The following KPNA1 variants were observed in gnomAD, a reference collection of about 807,000 sequenced individuals.
KPNA1 encodes karyopherin subunit alpha 1.
Under a neutral mutation model 70.5 loss-of-function variants are expected in KPNA1, and 10 were observed. The observed-to-expected ratio is 0.14, with a 90% CI of 0.09 to 0.24. The LOEUF is 0.24. KPNA1 is among the 10% of genes least tolerant of loss of function. The probability of loss-of-function intolerance (pLI) is 1.00; values close to 1 mark genes in which losing one functional copy is unlikely to be tolerated. For synonymous variants in KPNA1, 192 were observed against 221.9 expected, an observed-to-expected ratio of 0.87 and a Z score of 1.20; for missense variants, 397 against 637.9, an observed-to-expected ratio of 0.62 and a Z score of 4.07.
intron 12 of KPNA1, among the ~76,000 whole-genome samples, chr3:122,429,485 C>A (rs1318228639): frequency 2.9e-5 from 4 of 140,064 alleles, no homozygotes; most frequent in South Asian, 2.4e-4. Context: ...TCATTTACAT[C>A]AGCATCAAAA....
At chr3:122,472,429 A>T (rs779615863) in intron 2 of KPNA1, among the ~76,000 whole-genome samples, 53 of 152,206 alleles carry the variant, frequency 3.5e-4, no homozygotes, top group Non-Finnish European at 4.4e-4. Flanking sequence ...CTATGGGATG[A>T]CGTGAAAGCA....
At chr3:122,455,364 T>G (rs2076252996) in intron 5 of KPNA1, among the ~76,000 whole-genome samples, 2 of 152,190 alleles carry the variant, frequency 1.3e-5, no homozygotes, top group Admixed American at 6.5e-5. Flanking sequence ...AGTACTTCGG[T>G]TAAAGAGCCC....
chr3:122,437,947 C>T (rs2076010993), intron 10 of KPNA1, among the ~76,000 whole-genome samples: 1 of 152,176 alleles, frequency 6.6e-6, no homozygotes, highest in African/African-American at 2.4e-5. Context: ...TAAGTTAATC[C>T]TTTCTTCCAA....
intron 2 of KPNA1, among the ~76,000 whole-genome samples, chr3:122,470,616 A>T (rs1164003328): frequency 1.3e-5 from 2 of 152,082 alleles, no homozygotes; most frequent in African/African-American, 4.8e-5. Context: ...GAGAAACAGG[A>T]TTATCTTATA....
chr3:122,490,866 TAAACTA>T (rs1198113758), intron 2 of KPNA1, among the ~76,000 whole-genome samples: 3 of 152,168 alleles, frequency 2.0e-5, no homozygotes, highest in African/African-American at 4.8e-5. Flanking sequence ...CTTATTTTCT[TAAACTA>T]AAAGTATCAG....
rs563458856 is a variant in KPNA1 at position 122,427,235 on chromosome 3, A to T, written c.1430-63T>A. ...TTCAATAAATATTGGAAATTCCATA[A>T]CTATATATTCCTAAACTATATTTTG... On this transcript the variant is annotated intron_variant, in intron 13 of 13. Coordinates refer to ENST00000344337, the MANE Select transcript of KPNA1 (RefSeq NM_002264.4). 6.6e-6 allele frequency: 8 copies of T among 1,203,738 alleles called. No individual in the cohort carries two copies. In the Admixed American group the frequency reaches 1.6e-4, roughly 24 times the overall value. The allele number at this position is 1,203,738 out of a possible 1,614,324, so 74.6% of individuals were successfully genotyped here.
At chr3:122,429,976 CTGAGT>C (rs1006588447) in intron 12 of KPNA1, among the ~76,000 whole-genome samples, 6 of 151,982 alleles carry the variant, frequency 3.9e-5, no homozygotes, top group Admixed American at 3.3e-4. Flanking sequence ...GTATGTCTGA[CTGAGT>C]TATTTCAAAA....
In KPNA1 at chr3:122,513,859, G is replaced by A. The variant is rs533524107; in HGVS notation, c.-6+898C>T. Among the ~76,000 whole-genome samples, 6 of 152,308 alleles carry A rather than the reference G, an allele frequency of 3.9e-5. No homozygotes were observed. In the South Asian group the frequency reaches 1.2e-3, roughly 32 times the overall value. On this transcript the variant is annotated intron_variant, in intron 1 of 13. Coordinates refer to ENST00000344337, the MANE Select transcript of KPNA1 (RefSeq NM_002264.4). ...GCAAGAGGACAGTTTGAGCTCAGGAGTTGGAGTACAGCCTGGGCAATATAG... is the reference window on the plus strand; with the variant it reads ...GCAAGAGGACAGTTTGAGCTCAGGAATTGGAGTACAGCCTGGGCAATATAG...
chr3:122,445,530 T>G (rs1576292137), intron 9 of KPNA1, among the ~76,000 whole-genome samples: 1 of 152,018 alleles, frequency 6.6e-6, no homozygotes, highest in African/African-American at 2.4e-5. Flanking sequence ...GCACTAAACA[T>G]GGAAAGGAAC....
At chr3:122,507,755 G>C (rs190203875) in intron 1 of KPNA1, among the ~76,000 whole-genome samples, 1 of 149,938 alleles carries the variant, frequency 6.7e-6, no homozygotes, top group African/African-American at 2.4e-5. Flanking sequence ...TTTTTGGGGG[G>C]TTAAAAAAAA....
At chr3:122,462,058 T>C (rs1462985661) in intron 4 of KPNA1, among the ~76,000 whole-genome samples, 1 of 152,134 alleles carries the variant, frequency 6.6e-6, no homozygotes, top group African/African-American at 2.4e-5. Flanking sequence ...CAATGTTCAT[T>C]TGGAAAGGAC....
At chr3:122,461,950 C>A (rs943045745) in intron 4 of KPNA1, among the ~76,000 whole-genome samples, 2 of 152,104 alleles carry the variant, frequency 1.3e-5, no homozygotes, top group Non-Finnish European at 2.9e-5. Flanking sequence ...TGACAATATG[C>A]GTGTGGCAAT....
At chr3:122,437,333 G>A (rs756164784) in intron 10 of KPNA1, 38 bp from the exon 11 acceptor site, 1 of 1,458,714 alleles carries the variant, frequency 6.9e-7, no homozygotes. Context: ...TTATTGTATT[G>A]TTCTAAATAT....
chr3:122,459,813 T>C, intron 5 of KPNA1: 1 of 985,360 alleles, frequency 1.0e-6, no homozygotes, highest in Non-Finnish European at 1.2e-6. Context: ...AAGGAACTCA[T>C]CACCGCAACA....
chr3:122,478,894 C>CAAAAAAAAAAAA (rs57843662), intron 2 of KPNA1, among the ~76,000 whole-genome samples: 5 of 18,692 alleles, frequency 2.7e-4, no homozygotes, highest in African/African-American at 2.7e-4. Context: ...AACCTCGTCT[C>CAAAAAAAAAAAA]AAAAAAAAAA....
chr3:122,424,860 G>A lies in KPNA1; in HGVS notation c.*2125C>T, dbSNP rs2075801304. 6.6e-6 allele frequency: 1 copy of A among 152,648 alleles called. No homozygotes were observed. The highest frequency in any genetic ancestry group is 1.5e-5 in the Non-Finnish European group (1 of 68,034). The allele number at this position is 152,648 out of a possible 1,614,324, so 9.5% of individuals were successfully genotyped here. On this transcript the variant is annotated 3_prime_UTR_variant, in exon 14 of 14. Transcript: ENST00000344337. The stretch of plus-strand genomic sequence containing the variant: ...AACAAGATTTTTACTATGAATCAGT[G>A]CTTCTATTATCCTTCTGAAAGAAGT...
At chr3:122,437,318 T>G in intron 10 of KPNA1, 23 bp from the exon 11 acceptor site, 1 of 1,564,602 alleles carries the variant, frequency 6.4e-7, no homozygotes. Flanking sequence ...GTTTGAAAAT[T>G]TTACTTATTG....
At chr3:122,507,348 G>A (rs927125178) in intron 1 of KPNA1, among the ~76,000 whole-genome samples, 3 of 151,466 alleles carry the variant, frequency 2.0e-5, no homozygotes, top group African/African-American at 7.3e-5. Context: ...GGTTGAGGCA[G>A]GAGAATCACT....
chr3:122,500,729 C>T (rs1388620403), intron 1 of KPNA1, among the ~76,000 whole-genome samples: 1 of 152,042 alleles, frequency 6.6e-6, no homozygotes, highest in Non-Finnish European at 1.5e-5. Flanking sequence ...GTCTCGAACT[C>T]CTGGGCTCAA....
Sources: allele counts gnomAD v4.1 joint callset (sites outside exome capture counted in the v4.1 genomes callset), GRCh38; gene constraint gnomAD v4.1.1; transcripts MANE v1.5; gene names NCBI Gene and HGNC (gene_info 2026-07-23, HGNC 2026-07-21).